The following ZNF512 variants were observed in gnomAD, a reference collection of about 807,000 sequenced individuals.
ZNF512 encodes zinc finger protein 512.
Under a neutral mutation model 77.5 loss-of-function variants are expected in ZNF512, and 25 were observed. The ratio of observed to expected loss-of-function variants is 0.32; its 90% CI spans 0.23 to 0.45. ZNF512 has a LOEUF of 0.45. ZNF512 is among the 20% of genes least tolerant of loss of function. ZNF512 has a pLI of 1.00. For missense variants in ZNF512, 483 were observed against 692.6 expected, an observed-to-expected ratio of 0.70 and a Z score of 3.40; for synonymous variants, 246 against 239.9, an observed-to-expected ratio of 1.03 and a Z score of -0.24.
Position 27,602,534 on chromosome 2 carries a change from A to G in ZNF512, c.741A>G (p.Arg247=), listed in dbSNP as rs1672164994. 4 of 1,613,488 alleles carry G rather than the reference A, an allele frequency of 2.5e-6. No individual in the cohort carries two copies. The South Asian group carries it at 3.3e-5, about 13-fold the overall frequency. The change falls in exon 8 of 14, where the codon AGA becomes AGG. Residue 247 remains arginine, a synonymous_variant. Coordinates refer to ENST00000355467, the MANE Select transcript of ZNF512 (RefSeq NM_032434.4). ...AAAGGCTCCGAACAGTTCTAAAGAGACTGGGAAAGCTCAGGTGCATGCGTG... is the reference window on the plus strand; with the variant it reads ...AAAGGCTCCGAACAGTTCTAAAGAGGCTGGGAAAGCTCAGGTGCATGCGTG... ...ERERLRTVLK[R]LGKLRCMRES...
At chr2:27,591,611 A>G (rs1436186847) in intron 2 of ZNF512, among the ~76,000 whole-genome samples, 2 of 152,300 alleles carry the variant, frequency 1.3e-5, no homozygotes, top group Middle Eastern at 3.4e-3. Context: ...GGGTTTCACC[A>G]TGTTGGCCAG....
intron 6 of ZNF512, 66 bp from the exon 7 acceptor site, chr2:27,601,290 T>A: frequency 8.5e-7 from 1 of 1,174,924 alleles, no homozygotes; most frequent in Non-Finnish European, 1.2e-6. Flanking sequence ...AGCATTTGAG[T>A]CGGACTTCAT....
At position 27,598,606 on chromosome 2, in the gene ZNF512, G is replaced by A. The variant is rs182281480; in HGVS notation, c.277+352G>A. 5.1e-3 allele frequency among the ~76,000 whole-genome samples: 766 copies of A among 150,816 alleles called. 12 individuals carry two copies. Among genetic ancestry groups the A allele is most frequent in the African/African-American group, 0.018 (724 of 40,970 alleles). ...ATCGCACCATTGCACTGTAGCCTGGGCGAAAGAGCGAGACTCCGTCTCAAA... is the reference window on the plus strand; with the variant it reads ...ATCGCACCATTGCACTGTAGCCTGGACGAAAGAGCGAGACTCCGTCTCAAA... On this transcript the variant is annotated intron_variant, in intron 3 of 13. Coordinates refer to ENST00000355467, the MANE Select transcript of ZNF512 (RefSeq NM_032434.4).
At chr2:27,608,220 CA>C (rs1047974160) in intron 10 of ZNF512, among the ~76,000 whole-genome samples, 181 bp downstream of exon 10, 5 of 152,296 alleles carry the variant, frequency 3.3e-5, no homozygotes, top group Admixed American at 2.0e-4. Context: ...TCTAGAGTGA[CA>C]GTCTGTTTCA....
At chr2:27,587,982 C>G (rs1671413771) in intron 2 of ZNF512, among the ~76,000 whole-genome samples, 1 of 151,984 alleles carries the variant, frequency 6.6e-6, no homozygotes, top group African/African-American at 2.4e-5. Context: ...GCCCAGCCTT[C>G]ATCTGTTCCT....
intron 13 of ZNF512, among the ~76,000 whole-genome samples, chr2:27,619,572 G>T (rs1673035018): frequency 6.6e-6 from 1 of 151,712 alleles, no homozygotes; most frequent in Admixed American, 6.6e-5. Context: ...TATGAATTTT[G>T]TGGGTGGTAA....
intron 13 of ZNF512, among the ~76,000 whole-genome samples, chr2:27,620,425 G>A (rs1468759852): frequency 6.6e-6 from 1 of 152,108 alleles, no homozygotes; most frequent in African/African-American, 2.4e-5. Flanking sequence ...CCACATTCTG[G>A]AATTTTGCTG....
At chr2:27,619,536 G>A (rs1463624811) in intron 13 of ZNF512, among the ~76,000 whole-genome samples, 2 of 152,108 alleles carry the variant, frequency 1.3e-5, no homozygotes, top group African/African-American at 2.4e-5. Flanking sequence ...CATGCTCCCA[G>A]GCATTTGTTT....
chr2:27,620,949 G>A (rs1345777660), intron 13 of ZNF512, among the ~76,000 whole-genome samples: 4 of 152,088 alleles, frequency 2.6e-5, no homozygotes, highest in Admixed American at 6.6e-5. Context: ...CTAGAATTAC[G>A]CCTTACAAAA....
In ZNF512 at chr2:27,621,783, T is replaced by TG. The variant is rs1397445427; in HGVS notation, c.*326dup. Reference sequence around the variant, plus strand: ...ACCTCTTTGGTTGTCCTTTCCTTCCTGGGGTATAGAATGTTCTTGGAAGCT... The same window carrying TG: ...ACCTCTTTGGTTGTCCTTTCCTTCCTGGGGGTATAGAATGTTCTTGGAAGCT... On this transcript the variant is annotated 3_prime_UTR_variant, in exon 14 of 14. Transcript: ENST00000355467. 1 of 213,384 alleles carries TG rather than the reference T, an allele frequency of 4.7e-6. No individual in the cohort carries two copies. Among genetic ancestry groups the TG allele is most frequent in the Non-Finnish European group, 9.5e-6 (1 of 104,744 alleles). 13.2% of individuals were successfully genotyped at this position (213,384 alleles called of 1,614,324 possible). A position where few individuals can be genotyped will look rare whatever the true frequency, so the allele number is the denominator to read the frequency against.
At chr2:27,590,557 A>G (rs1307780997) in intron 2 of ZNF512, among the ~76,000 whole-genome samples, 1 of 152,120 alleles carries the variant, frequency 6.6e-6, no homozygotes, top group African/African-American at 2.4e-5. Flanking sequence ...TAAATTAATT[A>G]TTGATATGGT....
chr2:27,614,884 T>G (rs2148042806), intron 10 of ZNF512, among the ~76,000 whole-genome samples: 1 of 152,234 alleles, frequency 6.6e-6, no homozygotes, highest in East Asian at 1.9e-4. Flanking sequence ...ATATTTTAAT[T>G]CTATGTAGTA....
chr2:27,612,806 C>G (rs1469005180), intron 10 of ZNF512, among the ~76,000 whole-genome samples: 1 of 152,140 alleles, frequency 6.6e-6, no homozygotes, highest in Non-Finnish European at 1.5e-5. Context: ...TCCAAAGTTA[C>G]TGAGGTTAGT....
At chr2:27,605,733 C>T (rs1304907658) in intron 9 of ZNF512, among the ~76,000 whole-genome samples, 1 of 152,068 alleles carries the variant, frequency 6.6e-6, no homozygotes, top group Non-Finnish European at 1.5e-5. Flanking sequence ...GCTTTGGCCT[C>T]CCAGAATGCT....
chr2:27,614,801 CCTCT>C (rs1236917622), intron 10 of ZNF512, among the ~76,000 whole-genome samples: 1 of 148,234 alleles, frequency 6.7e-6, no homozygotes, highest in African/African-American at 2.4e-5. Context: ...AATTTGTATC[CCTCT>C]CTTTTTTTTT....
intron 10 of ZNF512, among the ~76,000 whole-genome samples, chr2:27,611,146 T>G (rs1672643004): frequency 1.3e-5 from 2 of 152,170 alleles, no homozygotes; most frequent in African/African-American, 2.4e-5. Flanking sequence ...TTGAAATAAT[T>G]TTAGACTAGT....
At chr2:27,592,442 A>G (rs1221504576) in intron 2 of ZNF512, among the ~76,000 whole-genome samples, 1 of 151,700 alleles carries the variant, frequency 6.6e-6, no homozygotes, top group Non-Finnish European at 1.5e-5. Context: ...CAGCCTCCCA[A>G]GTAGCTGGGA....
chr2:27,585,132 A>C (rs1158761980), intron 2 of ZNF512, among the ~76,000 whole-genome samples: 1 of 152,192 alleles, frequency 6.6e-6, no homozygotes, highest in East Asian at 1.9e-4. Flanking sequence ...GAGAAGGAAG[A>C]TAGGATGTCT....
chr2:27,591,647 G>T (rs966803053), intron 2 of ZNF512, among the ~76,000 whole-genome samples: 4 of 152,184 alleles, frequency 2.6e-5, no homozygotes, highest in Non-Finnish European at 5.9e-5. Context: ...TTGCCCTTGT[G>T]ATCTGCCCAC....
Sources: allele counts gnomAD v4.1 joint callset (sites outside exome capture counted in the v4.1 genomes callset), GRCh38; gene constraint gnomAD v4.1.1; transcripts MANE v1.5; gene names NCBI Gene and HGNC (gene_info 2026-07-23, HGNC 2026-07-21).